The following LRRTM3 variants were observed in gnomAD, a reference collection of about 807,000 sequenced individuals.
LRRTM3 encodes the protein leucine-rich repeat transmembrane neuronal protein 3.
In LRRTM3, 24 loss-of-function variants were observed where a neutral mutation model predicts 44.7. That is an observed-to-expected ratio of 0.54 (90% CI 0.39 to 0.76). The LOEUF is 0.76. Among genes scored for constraint, LRRTM3 ranks in the 30% least tolerant of loss-of-function variants. The pLI, the probability that LRRTM3 is intolerant of heterozygous loss-of-function variation, is 0.00. For missense variants in LRRTM3, 587 were observed against 702.2 expected (o/e 0.84, Z 1.85); for synonymous variants, 277 against 278.7 (o/e 0.99, Z 0.06).
At chr10:66,936,302 T>C (rs548862726) in intron 2 of LRRTM3, among the ~76,000 whole-genome samples, 1 of 152,102 alleles carries the variant, frequency 6.6e-6, no homozygotes, top group African/African-American at 2.4e-5. Flanking sequence ...AAGCTCACAT[T>C]ATACGTTTCT....
chr10:66,929,677 T>C (rs1464242403), intron 2 of LRRTM3, among the ~76,000 whole-genome samples: 3 of 152,236 alleles, frequency 2.0e-5, no homozygotes, highest in Admixed American at 6.5e-5. Context: ...GACATTACAA[T>C]GTCCCTGCGT....
intron 2 of LRRTM3, among the ~76,000 whole-genome samples, chr10:67,076,895 G>T (rs928874377): frequency 9.9e-5 from 15 of 152,064 alleles, no homozygotes; most frequent in African/African-American, 3.4e-4. Context: ...CTCTAGAATT[G>T]AACAAAGTAC....
chr10:67,033,349 T>C (rs943483977), intron 2 of LRRTM3, among the ~76,000 whole-genome samples: 2 of 152,206 alleles, frequency 1.3e-5, no homozygotes, highest in African/African-American at 2.4e-5. Flanking sequence ...CTGTGGCTCA[T>C]AGCACAGTTA....
At chr10:66,979,242 A>C (rs1263812260) in intron 2 of LRRTM3, among the ~76,000 whole-genome samples, 1 of 152,094 alleles carries the variant, frequency 6.6e-6, no homozygotes, top group Non-Finnish European at 1.5e-5. Context: ...TGCTGGGATT[A>C]CAGGCATGAG....
intron 2 of LRRTM3, among the ~76,000 whole-genome samples, chr10:67,016,028 C>T (rs200858057): frequency 1.3e-5 from 1 of 76,264 alleles, no homozygotes; most frequent in African/African-American, 3.0e-5. Flanking sequence ...TTGCTGTATA[C>T]TCTCTTCTTT....
intron 2 of LRRTM3, among the ~76,000 whole-genome samples, chr10:66,972,207 T>A (rs75993679): frequency 6.6e-6 from 1 of 152,230 alleles, no homozygotes; most frequent in African/African-American, 2.4e-5. Flanking sequence ...AACAAAGATT[T>A]CTTTCTCTCA....
In LRRTM3 at chr10:67,070,484, C is replaced by T. The variant is rs185994698; in HGVS notation, c.1537-27103C>T. On this transcript the variant is annotated intron_variant, in intron 2 of 2. Coordinates refer to ENST00000361320, the MANE Select transcript of LRRTM3 (RefSeq NM_178011.5). Reference sequence around the variant, plus strand: ...ATCCTTGTGGCGGGGAGCAGTGTCTCGTGCCTGTAATCTCAGCACTTTGGG... The same window carrying T: ...ATCCTTGTGGCGGGGAGCAGTGTCTTGTGCCTGTAATCTCAGCACTTTGGG... Among the ~76,000 whole-genome samples, 173 of 152,110 alleles carry T rather than the reference C, an allele frequency of 1.1e-3. 1 individual carries two copies. The East Asian group carries it at 0.022, about 20-fold the overall frequency.
intron 2 of LRRTM3, among the ~76,000 whole-genome samples, chr10:67,097,003 C>T (rs938687596): frequency 6.6e-6 from 1 of 151,848 alleles, no homozygotes; most frequent in South Asian, 2.1e-4. Context: ...TAATTCTCTT[C>T]TGCAATGGTT....
Position 66,926,961 on chromosome 10 carries a change from A to G in LRRTM3, c.45A>G (p.Ala15=). The part of the protein sequence containing the change: ...VIRLLSGSAV[A]LVIAPTVLLT... ...GGCTACTGAGCGGATCAGCTGTAGC[A>G]CTGGTTATAGCCCCCACTGTCTTAC... is the stretch of plus-strand genomic sequence containing the variant. The change falls in exon 2 of 3, where the codon GCA becomes GCG. Residue 15 remains alanine (A), a synonymous_variant. Transcript: ENST00000361320. 4 of 1,613,388 alleles carry G rather than the reference A, an allele frequency of 2.5e-6. No homozygotes were observed. The highest frequency in any genetic ancestry group is 3.4e-6 in the Non-Finnish European group (4 of 1,179,688).
chr10:67,070,619 T>C (rs1856390649), intron 2 of LRRTM3, among the ~76,000 whole-genome samples: 2 of 152,016 alleles, frequency 1.3e-5, no homozygotes, highest in Admixed American at 1.3e-4. Flanking sequence ...TGGTGGCGTG[T>C]GCCTGTCTTC....
At chr10:67,068,935 C>T (rs1856263659) in intron 2 of LRRTM3, among the ~76,000 whole-genome samples, 1 of 152,130 alleles carries the variant, frequency 6.6e-6, no homozygotes, top group Non-Finnish European at 1.5e-5. Flanking sequence ...TGGCAGGTAC[C>T]TGTAATCCCA....
At chr10:67,058,651 GT>G (rs149071647) in intron 2 of LRRTM3, among the ~76,000 whole-genome samples, 3,152 of 152,144 alleles carry the variant, frequency 0.021, 87 homozygotes, top group African/African-American at 0.071. Context: ...CTTTCTACAA[GT>G]TTAGGGAACA....
At chr10:67,000,357 T>G (rs1166773767) in intron 2 of LRRTM3, among the ~76,000 whole-genome samples, 4 of 152,182 alleles carry the variant, frequency 2.6e-5, no homozygotes, top group Non-Finnish European at 5.9e-5. Flanking sequence ...AGACAGCTGA[T>G]GACGAAAGTT....
intron 2 of LRRTM3, among the ~76,000 whole-genome samples, chr10:67,083,746 T>G (rs1256404044): frequency 6.6e-6 from 1 of 152,116 alleles, no homozygotes; most frequent in Non-Finnish European, 1.5e-5. Flanking sequence ...ATCACTAAAA[T>G]AAACAGCCAA....
intron 2 of LRRTM3, among the ~76,000 whole-genome samples, chr10:66,944,866 GAGCAGTA>G (rs1248074652): frequency 6.6e-6 from 1 of 152,170 alleles, no homozygotes; most frequent in Non-Finnish European, 1.5e-5. Flanking sequence ...CATTATCAGT[GAGCAGTA>G]ATACTTTGAA....
At chr10:66,957,800 A>G (rs1040311175) in intron 2 of LRRTM3, among the ~76,000 whole-genome samples, 1 of 152,122 alleles carries the variant, frequency 6.6e-6, no homozygotes, top group Admixed American at 6.6e-5. Flanking sequence ...AAGTGTGCTT[A>G]CAGGAGATGG....
At chr10:67,068,053 TGCCG>T (rs1856200065) in intron 2 of LRRTM3, among the ~76,000 whole-genome samples, 1 of 152,196 alleles carries the variant, frequency 6.6e-6, no homozygotes, top group African/African-American at 2.4e-5. Context: ...GAGAAATAAA[TGCCG>T]GGTTCATTGT....
rs149567668 is a variant in LRRTM3 at position 66,928,194 on chromosome 10, G to T, written c.1278G>T (p.Ala426=). 1,097 of 1,614,088 alleles carry T rather than the reference G, an allele frequency of 6.8e-4. No individual in the cohort carries two copies. Among genetic ancestry groups the T allele is most frequent in the Non-Finnish European group, 8.5e-4 (1,000 of 1,180,042 alleles). ...SFHKIIAGSV[A]LFLSVLVILL... ...ATAAAATCATCGCGGGCAGCGTGGC[G>T]CTTTTCCTGTCCGTGCTCGTCATCC... The change falls in exon 2 of 3, where the codon GCG becomes GCT. Residue 426 remains alanine (A), a synonymous_variant. Transcript: ENST00000361320.
chr10:66,964,825 A>G (rs957338272), intron 2 of LRRTM3, among the ~76,000 whole-genome samples: 3 of 152,210 alleles, frequency 2.0e-5, no homozygotes, highest in African/African-American at 4.8e-5. Context: ...CCAGCTTTGC[A>G]AGGACTGAGC....
Sources: gnomAD v4.1 joint callset for allele counts (sites outside exome capture counted in the v4.1 genomes callset) on GRCh38, gnomAD v4.1.1 for gene constraint, MANE v1.5 for transcripts, NCBI Gene and HGNC (gene_info 2026-07-23, HGNC 2026-07-21) for gene names.